The following SOX5 variants were observed in gnomAD, a reference collection of about 807,000 sequenced individuals.
The protein encoded by SOX5 is SRY-box transcription factor 5, also known as transcription factor SOX-5.
A neutral mutation model predicts 92.0 loss-of-function variants in SOX5; 9 were observed. The ratio of observed to expected loss-of-function variants is 0.10; its 90% confidence interval spans 0.06 to 0.17. SOX5 has a LOEUF of 0.17. Ranked by LOEUF, SOX5 falls within the 10% of genes least tolerant of loss-of-function variation. The pLI is 1.00. For synonymous variants in SOX5, 344 were observed against 336.3 expected (o/e 1.02, Z -0.25); for missense variants, 642 against 944.5 (o/e 0.68, Z 4.20).
chr12:23,582,536 C>T (rs1397366145), intron 9 of SOX5, among the ~76,000 whole-genome samples: 2 of 152,078 alleles, frequency 1.3e-5, no homozygotes. Context: ...TCTTACATAG[C>T]ACATAGTCTT....
At chr12:24,210,755 T>G (rs1958520176) in intron 4 of SOX5, among the ~76,000 whole-genome samples, 1 of 146,626 alleles carries the variant, frequency 6.8e-6, no homozygotes, top group Non-Finnish European at 1.5e-5. Flanking sequence ...AGAAAAAGGA[T>G]AGCTGTATTA....
intron 8 of SOX5, among the ~76,000 whole-genome samples, chr12:23,609,251 T>G (rs2075663142): frequency 6.6e-6 from 1 of 152,164 alleles, no homozygotes; most frequent in Non-Finnish European, 1.5e-5. Flanking sequence ...TAGGCTACAC[T>G]CACCTTATGG....
chr12:23,851,007 A>G (rs1289999393), intron 2 of SOX5, among the ~76,000 whole-genome samples: 1 of 152,150 alleles, frequency 6.6e-6, no homozygotes, highest in East Asian at 1.9e-4. Flanking sequence ...ACCTAAATAT[A>G]TACCTTCATA....
intron 1 of SOX5, among the ~76,000 whole-genome samples, chr12:24,379,294 TAA>T (rs1372908139): frequency 1.3e-5 from 2 of 152,168 alleles, no homozygotes; most frequent in East Asian, 3.9e-4. Context: ...GAGTGAAAGT[TAA>T]AAGAGTGGTG....
At chr12:24,132,199 A>AGGG (rs1949712953) in intron 4 of SOX5, among the ~76,000 whole-genome samples, 1 of 152,168 alleles carries the variant, frequency 6.6e-6, no homozygotes, top group Non-Finnish European at 1.5e-5. Context: ...ACGATAGATA[A>AGGG]TCAGACAATG....
At chr12:23,884,940 C>T (rs1040400725) in intron 2 of SOX5, among the ~76,000 whole-genome samples, 1 of 152,152 alleles carries the variant, frequency 6.6e-6, no homozygotes, top group African/African-American at 2.4e-5. Flanking sequence ...TGAGTTGCAC[C>T]TATCAGACTG....
At chr12:24,336,402 G>T (rs1178302828) in intron 2 of SOX5, among the ~76,000 whole-genome samples, 2 of 152,122 alleles carry the variant, frequency 1.3e-5, no homozygotes, top group East Asian at 1.9e-4. Flanking sequence ...CGGGTATATG[G>T]TTTTTTACGT....
At chr12:23,631,924 T>C (rs2138434049) in intron 8 of SOX5, among the ~76,000 whole-genome samples, 1 of 152,142 alleles carries the variant, frequency 6.6e-6, no homozygotes, top group South Asian at 2.1e-4. Flanking sequence ...TGGTAATAAC[T>C]ATGGAAGCAG....
chr12:24,397,673 A>G (rs1960389127), intron 1 of SOX5, among the ~76,000 whole-genome samples: 1 of 152,108 alleles, frequency 6.6e-6, no homozygotes. Flanking sequence ...TGCTATGAAA[A>G]AAAAAATCAA....
chr12:23,690,653 A>T (rs2088603489), intron 6 of SOX5, among the ~76,000 whole-genome samples: 1 of 152,134 alleles, frequency 6.6e-6, no homozygotes, highest in South Asian at 2.1e-4. Flanking sequence ...GCAACATCCT[A>T]TCCAGAGTAT....
At chr12:24,107,046 A>G (rs1347909949) in intron 4 of SOX5, among the ~76,000 whole-genome samples, 5 of 152,062 alleles carry the variant, frequency 3.3e-5, no homozygotes, top group African/African-American at 9.7e-5. Context: ...GAACAAATGA[A>G]AAGTAGTTAG....
intron 4 of SOX5, among the ~76,000 whole-genome samples, chr12:24,176,553 C>T (rs994345598): frequency 2.0e-5 from 3 of 152,184 alleles, no homozygotes; most frequent in African/African-American, 7.2e-5. Flanking sequence ...AAGCCCGCTA[C>T]AATGAGCAAA....
chr12:24,215,585 T>A (rs1565674967), intron 3 of SOX5, among the ~76,000 whole-genome samples: 1 of 152,110 alleles, frequency 6.6e-6, no homozygotes, highest in Non-Finnish European at 1.5e-5. Flanking sequence ...TAAACATCTT[T>A]GAAAAAAATT....
intron 3 of SOX5, among the ~76,000 whole-genome samples, chr12:23,771,526 A>G (rs1175694092): frequency 6.6e-6 from 1 of 152,238 alleles, no homozygotes; most frequent in South Asian, 2.1e-4. Context: ...CCAATTATAC[A>G]ACCGCTGACT....
chr12:23,634,990 G>A (rs1268991655), intron 8 of SOX5, among the ~76,000 whole-genome samples: 1 of 152,124 alleles, frequency 6.6e-6, no homozygotes, highest in Non-Finnish European at 1.5e-5. Flanking sequence ...TTGGTTAAGT[G>A]CAAATGATGG....
At chr12:24,158,986 T>C (rs1410278487) in intron 4 of SOX5, among the ~76,000 whole-genome samples, 2 of 151,988 alleles carry the variant, frequency 1.3e-5, no homozygotes, top group African/African-American at 4.8e-5. Flanking sequence ...TCAAAATTAC[T>C]TCGAATAGTA....
intron 8 of SOX5, among the ~76,000 whole-genome samples, chr12:23,621,948 T>C (rs2077231703): frequency 6.6e-6 from 1 of 152,178 alleles, no homozygotes; most frequent in Non-Finnish European, 1.5e-5. Context: ...CTGTTTCAAC[T>C]GTCACTCTTT....
intron 2 of SOX5, among the ~76,000 whole-genome samples, chr12:24,349,653 A>G (rs1595830510): frequency 6.6e-6 from 1 of 152,238 alleles, no homozygotes; most frequent in Admixed American, 6.5e-5. Context: ...TTGTATGTAC[A>G]TAACACCTTT....
chr12:24,029,848 C>T (rs550037818), intron 4 of SOX5, among the ~76,000 whole-genome samples: 58 of 152,016 alleles, frequency 3.8e-4, no homozygotes, highest in Admixed American at 9.9e-4. Flanking sequence ...ACATTTTGTT[C>T]GGTATGGTAT....
Sources: gnomAD v4.1 joint callset for allele counts (sites outside exome capture counted in the v4.1 genomes callset) on GRCh38, gnomAD v4.1.1 for gene constraint, MANE v1.5 for transcripts, NCBI Gene and HGNC (gene_info 2026-07-23, HGNC 2026-07-21) for gene names.